The following MARK3 variants were observed in gnomAD, a reference collection of about 807,000 sequenced individuals.
MARK3 encodes the protein microtubule affinity regulating kinase 3, also known as MAP/microtubule affinity-regulating kinase 3.
A neutral mutation model predicts 90.1 loss-of-function variants in MARK3; 46 were observed. The ratio of observed to expected loss-of-function variants is 0.51; its 90% CI spans 0.40 to 0.65. The LOEUF (loss-of-function observed/expected upper bound fraction) is 0.65, where lower values mean the gene tolerates loss of function less well. Ranked by LOEUF, MARK3 falls within the 30% of genes least tolerant of loss-of-function variation. MARK3 has a pLI of 0.00. For missense variants in MARK3, 818 were observed against 947.2 expected, an observed-to-expected ratio of 0.86 and a Z score of 1.79; for synonymous variants, 321 against 332.6, an observed-to-expected ratio of 0.97 and a Z score of 0.38.
At chr14:103,422,677 T>A (rs553153161) in intron 2 of MARK3, among the ~76,000 whole-genome samples, 201 of 152,180 alleles carry the variant, frequency 1.3e-3, no homozygotes, top group African/African-American at 4.6e-3. Flanking sequence ...TACCATAGGT[T>A]TTGTCTGTTT....
chr14:103,467,674 C>CA (rs10525116), intron 11 of MARK3: 17,616 of 44,556 alleles, frequency 0.4, 5,139 homozygotes, highest in Admixed American at 0.49. Flanking sequence ...GACTCTGTCT[C>CA]AAAAAAAAAA....
At chr14:103,393,646 CTA>C (rs756889804) in intron 1 of MARK3, among the ~76,000 whole-genome samples, 1 of 152,078 alleles carries the variant, frequency 6.6e-6, no homozygotes, top group Non-Finnish European at 1.5e-5. Context: ...CATTGTATAA[CTA>C]TTTAGACTTA....
At chr14:103,403,373 T>TAA (rs2091088607) in intron 1 of MARK3, among the ~76,000 whole-genome samples, 1 of 142,420 alleles carries the variant, frequency 7.0e-6, no homozygotes. Flanking sequence ...TGTGTGTGTG[T>TAA]AACTCAGTAA....
At chr14:103,410,174 A>G in intron 2 of MARK3, among the ~76,000 whole-genome samples, 1 of 152,198 alleles carries the variant, frequency 6.6e-6, no homozygotes. Flanking sequence ...AAAGATAAGA[A>G]ATTTATTTCT....
chr14:103,464,962 A>G (rs1386487897), intron 7 of MARK3, among the ~76,000 whole-genome samples: 1 of 150,238 alleles, frequency 6.7e-6, no homozygotes, highest in Non-Finnish European at 1.5e-5. Flanking sequence ...GCCCTGCCCC[A>G]TATTATTCTT....
At chr14:103,432,626 G>A (rs2092614701) in intron 3 of MARK3, among the ~76,000 whole-genome samples, 1 of 152,110 alleles carries the variant, frequency 6.6e-6, no homozygotes, top group South Asian at 2.1e-4. Context: ...TGAGGCGAGA[G>A]GATCACTCGA....
intron 14 of MARK3, among the ~76,000 whole-genome samples, chr14:103,481,369 C>G (rs1308061191): frequency 6.6e-6 from 1 of 152,188 alleles, no homozygotes; most frequent in Non-Finnish European, 1.5e-5. Flanking sequence ...CATTTACTTT[C>G]TGCAGTTACG....
chr14:103,455,962 T>C (rs993801105), intron 5 of MARK3, among the ~76,000 whole-genome samples: 1 of 152,244 alleles, frequency 6.6e-6, no homozygotes, highest in African/African-American at 2.4e-5. Flanking sequence ...AAAACACTTA[T>C]ATCTAATTTT....
At chr14:103,387,219 C>T (rs1273427633) in intron 1 of MARK3, among the ~76,000 whole-genome samples, 1 of 152,156 alleles carries the variant, frequency 6.6e-6, no homozygotes, top group Non-Finnish European at 1.5e-5. Context: ...TTTTGATCTT[C>T]AAAAATGCCG....
chr14:103,493,563 G>A (rs1168937325), intron 15 of MARK3, among the ~76,000 whole-genome samples: 1 of 152,062 alleles, frequency 6.6e-6, no homozygotes, highest in Non-Finnish European at 1.5e-5. Context: ...AGAAGAGTCT[G>A]GTGACTCCCA....
At chr14:103,452,557 C>T (rs28361338) in intron 5 of MARK3, among the ~76,000 whole-genome samples, 48,650 of 143,284 alleles carry the variant, frequency 0.34, 8,553 homozygotes, top group Middle Eastern at 0.47. Context: ...CTGCAAGCTC[C>T]GCCTCCCGGG....
chr14:103,499,940 T>G, intron 16 of MARK3: 1 of 576,382 alleles, frequency 1.7e-6, no homozygotes, highest in Non-Finnish European at 3.2e-6. Flanking sequence ...AGCATGGAGC[T>G]GGCCCCTGTG....
intron 6 of MARK3, among the ~76,000 whole-genome samples, chr14:103,460,073 CTTTTTTTTTTTTT>C (rs571611660): frequency 2.6e-4 from 11 of 41,720 alleles, no homozygotes; most frequent in South Asian, 2.0e-3. Context: ...CCAGCTCCAT[CTTTTTTTTTTTTT>C]TTTTTTTTTT....
At chr14:103,394,918 G>C (rs953773008) in intron 1 of MARK3, among the ~76,000 whole-genome samples, 4 of 152,114 alleles carry the variant, frequency 2.6e-5, no homozygotes, top group African/African-American at 9.7e-5. Flanking sequence ...GAGTAGCTGG[G>C]ATTACAGGCA....
intron 12 of MARK3, among the ~76,000 whole-genome samples, chr14:103,474,686 A>G (rs1016161221): frequency 1.3e-5 from 2 of 152,150 alleles, no homozygotes; most frequent in Non-Finnish European, 2.9e-5. Context: ...CTTGTTACGT[A>G]TGCATCTAAT....
Position 103,465,644 on chromosome 14 carries a change from G to A in MARK3, c.628G>A (p.Asp210Asn). 4 of 1,614,070 alleles carry A rather than the reference G, an allele frequency of 2.5e-6. No homozygotes were observed. Among genetic ancestry groups the A allele is most frequent in the Non-Finnish European group, 2.5e-6 (3 of 1,180,022 alleles). ...SNEFTVGGKL[D>N]TFCGSPPYAA... is the part of the protein sequence containing the mutation. ...TGAATTTACTGTTGGCGGTAAACTC[G>A]ACACGTTTTGTGGCAGTCCTCCATA... Residue 210 changes from aspartate (D) to asparagine (N), a missense_variant, in exon 8 of 18, where the codon GAC becomes AAC. By Grantham distance (23) the Asp-to-Asn change is conservative. Transcript: ENST00000429436.
chr14:103,429,818 A>T (rs1157916279), intron 3 of MARK3, among the ~76,000 whole-genome samples: 5 of 152,096 alleles, frequency 3.3e-5, no homozygotes, highest in African/African-American at 1.2e-4. Context: ...TTTAATGAGG[A>T]CTCTAATTGA....
chr14:103,438,348 G>A (rs1474030320), intron 3 of MARK3, among the ~76,000 whole-genome samples: 3 of 152,188 alleles, frequency 2.0e-5, no homozygotes, highest in Non-Finnish European at 4.4e-5. Context: ...GTAGGTTAAA[G>A]CTCTCAAGAT....
chr14:103,387,936 T>C (rs1423268886), intron 1 of MARK3, among the ~76,000 whole-genome samples: 4 of 151,988 alleles, frequency 2.6e-5, no homozygotes, highest in African/African-American at 9.7e-5. Flanking sequence ...GTCTTTTTTC[T>C]TTCTTTCTTT....
Sources: gnomAD v4.1 joint callset for allele counts (sites outside exome capture counted in the v4.1 genomes callset) on GRCh38, gnomAD v4.1.1 for gene constraint, MANE v1.5 for transcripts, NCBI Gene and HGNC (gene_info 2026-07-23, HGNC 2026-07-21) for gene names.